Variants in TLK1 observed in about 807,000 individuals in gnomAD.
TLK1 encodes tousled like kinase 1.
Under a neutral mutation model 105.3 loss-of-function variants are expected in TLK1, and 24 were observed. The ratio of observed to expected loss-of-function variants is 0.23; its 90% CI spans 0.17 to 0.32. The LOEUF (loss-of-function observed/expected upper bound fraction) is 0.32, where lower values mean the gene tolerates loss of function less well. Ranked by LOEUF, TLK1 falls within the 10% of genes least tolerant of loss-of-function variation. TLK1 has a pLI of 1.00. For synonymous variants in TLK1, 321 were observed against 310.4 expected (o/e 1.03, Z -0.36); for missense variants, 558 against 910.5 (o/e 0.61, Z 4.98).
At chr2:171,216,346 G>A (rs1693713473) in intron 1 of TLK1, among the ~76,000 whole-genome samples, 1 of 152,030 alleles carries the variant, frequency 6.6e-6, no homozygotes, top group African/African-American at 2.4e-5. Flanking sequence ...TGTGGTGGTG[G>A]GCGCCTGTAG....
intron 2 of TLK1, among the ~76,000 whole-genome samples, chr2:171,115,678 G>A (rs1345373003): frequency 6.6e-6 from 1 of 152,162 alleles, no homozygotes; most frequent in African/African-American, 2.4e-5. Flanking sequence ...TGAAGCTGAT[G>A]GTGGTGATAT....
At chr2:171,134,436 T>C (rs956088645) in intron 1 of TLK1, among the ~76,000 whole-genome samples, 5 of 152,214 alleles carry the variant, frequency 3.3e-5, no homozygotes, top group African/African-American at 4.8e-5. Flanking sequence ...ATTATTAAAA[T>C]ATAGTTGGCT....
intron 2 of TLK1, among the ~76,000 whole-genome samples, chr2:171,090,763 C>T (rs1689192596): frequency 6.6e-6 from 1 of 152,284 alleles, no homozygotes; most frequent in Non-Finnish European, 1.5e-5. Context: ...AATATCTTTC[C>T]TAGCTCCACT....
intron 2 of TLK1, among the ~76,000 whole-genome samples, chr2:171,096,405 C>A (rs148600220): frequency 1.3e-5 from 2 of 152,112 alleles, no homozygotes; most frequent in African/African-American, 4.8e-5. Context: ...TACTAATGAT[C>A]TGAAAAAGAA....
In TLK1 at chr2:171,132,200, CAGA is replaced by C. The variant is rs569610170; in HGVS notation, c.140-14346_140-14344del. Among the ~76,000 whole-genome samples, 7 of 152,076 alleles carry C rather than the reference CAGA, an allele frequency of 4.6e-5. No homozygotes were observed. The South Asian group carries it at 1.5e-3, about 32-fold the overall frequency. ...CCAAAGGCACCTCTTCACAGAGCAG[CAGA>C]AGAATGAGTGCAAGCAGGAGAAATG... On this transcript the variant is annotated intron_variant, in intron 1 of 20. Transcript: ENST00000431350.
At position 170,996,633 on chromosome 2, in the gene TLK1, C is replaced by CA; in HGVS notation, c.2124+19dup. On this transcript the variant is annotated intron_variant, in intron 20 of 20. Transcript: ENST00000431350. Reference sequence around the variant, plus strand: ...GAAAGAAAAGTTACTTCACAAAACTCATTTACAAAAATTTAATACCTTGGC... The same window carrying CA: ...GAAAGAAAAGTTACTTCACAAAACTCAATTTACAAAAATTTAATACCTTGGC... 2 of 1,593,550 alleles carry CA rather than the reference C, an allele frequency of 1.3e-6. No individual in the cohort carries two copies. The highest frequency in any genetic ancestry group is 1.4e-5 in the African/African-American group (1 of 73,966).
chr2:171,069,608 G>A (rs1021474008), intron 3 of TLK1, among the ~76,000 whole-genome samples: 6 of 152,114 alleles, frequency 3.9e-5, no homozygotes, highest in South Asian at 2.1e-4. Context: ...AGTGCAAAAC[G>A]TCAATAATGT....
chr2:171,027,574 T>C (rs968242167), intron 12 of TLK1, among the ~76,000 whole-genome samples: 2 of 152,240 alleles, frequency 1.3e-5, no homozygotes, highest in African/African-American at 2.4e-5. Flanking sequence ...GTACATCTTC[T>C]AATCGAAACA....
At chr2:171,065,247 G>GC (rs1461636260) in intron 3 of TLK1, among the ~76,000 whole-genome samples, 1 of 151,984 alleles carries the variant, frequency 6.6e-6, no homozygotes, top group Non-Finnish European at 1.5e-5. Context: ...TATTTTAATA[G>GC]CAACAAAAAA....
intron 1 of TLK1, among the ~76,000 whole-genome samples, chr2:171,150,764 A>G (rs1691998118): frequency 2.0e-5 from 3 of 152,226 alleles, no homozygotes; most frequent in Admixed American, 2.0e-4. Context: ...CTGTTTCCAA[A>G]GCCATTCCAT....
chr2:171,073,065 T>G (rs561523149), intron 3 of TLK1, among the ~76,000 whole-genome samples: 4 of 152,338 alleles, frequency 2.6e-5, no homozygotes, highest in Non-Finnish European at 5.9e-5. Context: ...TAATATTGAT[T>G]TTGTATCCTG....
chr2:171,004,901 T>C (rs1684575167), intron 18 of TLK1, among the ~76,000 whole-genome samples: 1 of 152,248 alleles, frequency 6.6e-6, no homozygotes, highest in Admixed American at 6.5e-5. Context: ...CATTATTATC[T>C]TATCCATGTT....
chr2:171,020,815 A>G (rs1685462566), intron 12 of TLK1, among the ~76,000 whole-genome samples: 1 of 152,144 alleles, frequency 6.6e-6, no homozygotes, highest in Non-Finnish European at 1.5e-5. Context: ...TTGCTTGAGA[A>G]TAATTGTGTA....
chr2:171,218,105 T>A (rs1304987375), intron 1 of TLK1, among the ~76,000 whole-genome samples: 1 of 152,104 alleles, frequency 6.6e-6, no homozygotes, highest in African/African-American at 2.4e-5. Context: ...TACAAAAAAA[T>A]TAGCCAGGTG....
intron 11 of TLK1, among the ~76,000 whole-genome samples, chr2:171,032,797 G>T (rs1398061049): frequency 6.6e-6 from 1 of 152,060 alleles, no homozygotes; most frequent in African/African-American, 2.4e-5. Flanking sequence ...AAATGATGCT[G>T]GGACAACTAG....
At chr2:171,177,420 G>T (rs1030873374) in intron 1 of TLK1, among the ~76,000 whole-genome samples, 1 of 152,256 alleles carries the variant, frequency 6.6e-6, no homozygotes, top group African/African-American at 2.4e-5. Flanking sequence ...TGGGATTACA[G>T]GCATTAGCCA....
intron 12 of TLK1, among the ~76,000 whole-genome samples, chr2:171,024,649 C>T (rs79695479): frequency 0.013 from 1,951 of 152,230 alleles, 33 homozygotes; most frequent in African/African-American, 0.041. Context: ...TACATGGGTA[C>T]AGTCATTGAA....
rs1687724724 is a variant in TLK1, at chr2:171,061,016, T to C, written c.406+65A>G. ...ATTTTACAATTAGAGTATTAATTGGTTAAAAATTAAAACAATTAATTTTAA... is the reference window on the plus strand; with the variant it reads ...ATTTTACAATTAGAGTATTAATTGGCTAAAAATTAAAACAATTAATTTTAA... On this transcript the variant is annotated intron_variant, in intron 4 of 20. Coordinates refer to ENST00000431350, the MANE Select transcript of TLK1 (RefSeq NM_012290.5). 3 of 1,480,078 alleles carry C rather than the reference T, an allele frequency of 2.0e-6. 1 individual carries two copies. The South Asian group carries it at 3.6e-5, about 18-fold the overall frequency. 91.7% of individuals were successfully genotyped at this position (1,480,078 alleles called of 1,614,324 possible).
intron 8 of TLK1, among the ~76,000 whole-genome samples, chr2:171,052,308 G>C (rs1209491023): frequency 6.6e-6 from 1 of 152,050 alleles, no homozygotes; most frequent in African/African-American, 2.4e-5. Context: ...GAAATAACTG[G>C]TATTATACAG....
Sources: allele counts gnomAD v4.1 joint callset (sites outside exome capture counted in the v4.1 genomes callset), GRCh38; gene constraint gnomAD v4.1.1; transcripts MANE v1.5; gene names NCBI Gene and HGNC (gene_info 2026-07-23, HGNC 2026-07-21).